Variants in CAMKK1 observed in about 807,000 individuals in gnomAD.
CAMKK1 encodes the protein calcium/calmodulin-dependent protein kinase kinase 1.
In CAMKK1, 20 loss-of-function variants were observed where a neutral mutation model predicts 63.5. That is an observed-to-expected ratio of 0.32 (90% CI 0.22 to 0.46). The LOEUF is 0.46. Ranked by LOEUF, CAMKK1 falls within the 20% of genes least tolerant of loss-of-function variation. The pLI is 1.00. For synonymous variants in CAMKK1, 253 were observed against 269.0 expected, an observed-to-expected ratio of 0.94 and a Z score of 0.58; for missense variants, 588 against 658.1, an observed-to-expected ratio of 0.89 and a Z score of 1.17.
intron 15 of CAMKK1, chr17:3,865,246 C>G: frequency 1.0e-6 from 1 of 985,636 alleles, no homozygotes; most frequent in Non-Finnish European, 1.2e-6. Context: ...TTTTCTGGAC[C>G]CTCCTAGGAG....
chr17:3,864,169 T>G (rs2054424310), intron 15 of CAMKK1, among the ~76,000 whole-genome samples: 1 of 151,418 alleles, frequency 6.6e-6, no homozygotes. Context: ...CAGGCTGGTC[T>G]TGAACTCCTG....
At chr17:3,876,553 C>T (rs2055166136) in intron 9 of CAMKK1, 131 bp from the exon 10 acceptor site, 2 of 740,546 alleles carry the variant, frequency 2.7e-6, no homozygotes, top group South Asian at 1.7e-5. Flanking sequence ...CTGGTGACGA[C>T]CTGGGAGGAG....
chr17:3,885,865 A>G (rs543290673), intron 1 of CAMKK1, 135 bp from the exon 2 acceptor site: 5 of 839,418 alleles, frequency 6.0e-6, no homozygotes, highest in Admixed American at 5.6e-5. Context: ...CCAACACCCA[A>G]ACTCAAGTCT....
At chr17:3,871,333 G>GGT (rs1567617833) in intron 12 of CAMKK1, among the ~76,000 whole-genome samples, 8 of 111,040 alleles carry the variant, frequency 7.2e-5, no homozygotes, top group African/African-American at 1.9e-4. Context: ...GTTGTTTTTT[G>GGT]TTTTTTTTTT....
intron 7 of CAMKK1, chr17:3,881,911 G>T: frequency 1.8e-6 from 1 of 546,446 alleles, no homozygotes; most frequent in Admixed American, 3.3e-5. Context: ...GGAAACTGAG[G>T]CACAGAGAAG....
rs1466161321 is a variant in CAMKK1, at chr17:3,882,110, G to A, written c.685+418C>T. The A allele has an allele frequency of 8.4e-6, 5 of 593,522 alleles. No homozygotes were observed. The highest frequency in any genetic ancestry group is 2.8e-5 in the East Asian group (1 of 35,618). The allele number at this position is 593,522 out of a possible 1,614,324, so 36.8% of individuals were successfully genotyped here. A position where few individuals can be genotyped will look rare whatever the true frequency, so the allele number is the denominator to read the frequency against. ...CATTACTATTAACAAGGATAATAAC[G>A]AATGTGCTTTACATATAATTACTCA... On this transcript the variant is annotated intron_variant, in intron 7 of 15. Transcript: ENST00000348335. This position sits in a 1 kb window ranked among gnomAD's most constrained non-coding sequence, Gnocchi z 4.3.
chr17:3,867,145 G>A (rs1012095992), intron 14 of CAMKK1, among the ~76,000 whole-genome samples: 4 of 152,242 alleles, frequency 2.6e-5, no homozygotes, highest in South Asian at 4.1e-4. Flanking sequence ...GAGGTGTGAA[G>A]CAGGGGAGGC....
chr17:3,883,620 G>A lies in CAMKK1; in HGVS notation c.463-140C>T. ...AGGGTGTGGCCCAGGTAAGTGTTAA[G>A]CGGGGTTGGGGGTGGCCATATCTGA... is the stretch of plus-strand genomic sequence containing the variant. On this transcript the variant is annotated intron_variant, in intron 4 of 15. Coordinates refer to ENST00000348335, the MANE Select transcript of CAMKK1 (RefSeq NM_032294.3). This position sits in a 1 kb window ranked among gnomAD's most constrained non-coding sequence, Gnocchi z 4.7. 1 of 818,000 alleles carries A rather than the reference G, an allele frequency of 1.2e-6. No homozygotes were observed. Among genetic ancestry groups the A allele is most frequent in the Non-Finnish European group, 2.1e-6 (1 of 475,244 alleles). The allele number at this position is 818,000 out of a possible 1,614,324, so 50.7% of individuals were successfully genotyped here.
rs964782042 is a variant in CAMKK1, at chr17:3,865,061, G to C, written c.1445+847C>G. ...TCCCCAAAGCTTCCCTCCGGGGCCA[G>C]AGGAAGGCAGTGGCTGTCCCAGGAC... On this transcript the variant is annotated intron_variant, in intron 15 of 15. Coordinates refer to ENST00000348335, the MANE Select transcript of CAMKK1 (RefSeq NM_032294.3). The C allele has an allele frequency of 5.4e-6, 5 of 919,648 alleles. No homozygotes were observed. The African/African-American group carries it at 9.0e-5, about 16-fold the overall frequency. 57.0% of individuals were successfully genotyped at this position (919,648 alleles called of 1,614,324 possible).
intron 9 of CAMKK1, 112 bp downstream of exon 9, chr17:3,880,234 T>C (rs994772403): frequency 1.1e-5 from 10 of 885,892 alleles, no homozygotes; most frequent in Middle Eastern, 3.1e-4. Flanking sequence ...TGAAGCTGAT[T>C]GGCAGGTCAG....
chr17:3,885,277 T>C (rs369117773), intron 2 of CAMKK1, 51 bp downstream of exon 2: 195 of 1,505,496 alleles, frequency 1.3e-4, no homozygotes, highest in Non-Finnish European at 1.6e-4. Context: ...AGAGTCTTCA[T>C]TGCAGACTAC....
chr17:3,868,391 T>TGC (rs1567613729), intron 14 of CAMKK1, among the ~76,000 whole-genome samples: 11 of 144,516 alleles, frequency 7.6e-5, no homozygotes, highest in East Asian at 6.3e-4. Flanking sequence ...CGCAGGCCCA[T>TGC]CTAACTGATA....
At position 3,874,986 on chromosome 17, in the gene CAMKK1, G is replaced by T. The variant is rs558644910; in HGVS notation, c.996+1237C>A. Among the ~76,000 whole-genome samples, 13 of 152,120 alleles carry T rather than the reference G, an allele frequency of 8.5e-5. No individual in the cohort carries two copies. In the South Asian group the frequency reaches 2.5e-3, roughly 29 times the overall value. On this transcript the variant is annotated intron_variant, in intron 10 of 15. Transcript: ENST00000348335. ...AAATACAAAAAATTAGCCGGGCGTG[G>T]TGGTGGGCGCCTGTAGTCCCAGCTA...
chr17:3,892,522 T>A lies in CAMKK1; in HGVS notation c.-44+417A>T, dbSNP rs1437137788. Among the ~76,000 whole-genome samples, 1 of 151,850 alleles carries A rather than the reference T, an allele frequency of 6.6e-6. No individual in the cohort carries two copies. The highest frequency in any genetic ancestry group is 2.4e-5 in the African/African-American group (1 of 41,352). ...CATCTCCCACCCCGCCCCCGGCTCC[T>A]GCAGGAAGACGCTCCGGCGGGCCGT... On this transcript the variant is annotated intron_variant, in intron 1 of 15. Transcript: ENST00000348335. The surrounding 1 kb of genome is among the most constrained non-coding windows in gnomAD (Gnocchi z 7.5).
At chr17:3,885,206 C>A in intron 2 of CAMKK1, 122 bp downstream of exon 2, 1 of 1,184,084 alleles carries the variant, frequency 8.4e-7, no homozygotes. Flanking sequence ...AGTGATCTCC[C>A]CAGCTCTGAG....
intron 14 of CAMKK1, among the ~76,000 whole-genome samples, chr17:3,867,357 G>A (rs188290664): frequency 3.9e-5 from 6 of 152,296 alleles, no homozygotes; most frequent in East Asian, 1.9e-4. Context: ...GACGGTGCAC[G>A]AGCCCCGCAG....
At chr17:3,872,279 G>C (rs11650638) in intron 12 of CAMKK1, among the ~76,000 whole-genome samples, 1 of 152,198 alleles carries the variant, frequency 6.6e-6, no homozygotes, top group Admixed American at 6.5e-5. Flanking sequence ...ACTGACCCCA[G>C]GCAGGCCTGC....
chr17:3,883,847 G>T lies in CAMKK1; in HGVS notation c.462+37C>A. ...CCCACCCCTCAGGCTTCCAGGGCCT[G>T]GCTTGGGCAACACCTCCCTCGTATC... On this transcript the variant is annotated intron_variant, in intron 4 of 15. Coordinates refer to ENST00000348335, the MANE Select transcript of CAMKK1 (RefSeq NM_032294.3). The surrounding 1 kb of genome is among the most constrained non-coding windows in gnomAD (Gnocchi z 4.7). 6.2e-7 allele frequency: 1 copy of T among 1,610,680 alleles called. No homozygotes were observed. The highest frequency in any genetic ancestry group is 8.5e-7 in the Non-Finnish European group (1 of 1,177,560).
rs753857143 is a variant in CAMKK1, at chr17:3,880,427, T to A, written c.715A>T (p.Met239Leu). ...VFDLLRKGPV[M>L]EVPCDKPFSE... The stretch of plus-strand genomic sequence containing the variant: ...AAGGGCTTGTCACAGGGCACTTCCA[T>A]GACGGGCCTATGGAGAAGGATGCGG... Residue 239 changes from methionine (M) to leucine (L), a missense_variant, in exon 9 of 16, where the codon ATG becomes TTG. By Grantham distance (15) the Met-to-Leu change is conservative. Transcript: ENST00000348335. The A allele has an allele frequency of 8.7e-6, 14 of 1,613,212 alleles. No homozygotes were observed. The highest frequency in any genetic ancestry group is 1.2e-5 in the Non-Finnish European group (14 of 1,179,772).
Sources: allele counts gnomAD v4.1 joint callset (sites outside exome capture counted in the v4.1 genomes callset), GRCh38; gene constraint gnomAD v4.1.1; non-coding constraint Gnocchi (gnomAD v3.1); transcripts MANE v1.5; gene names NCBI Gene and HGNC (gene_info 2026-07-23, HGNC 2026-07-21).